Variants in MYRFL observed in about 807,000 individuals in gnomAD.
MYRFL encodes myelin regulatory factor like.
In MYRFL, 88 loss-of-function variants were observed where a neutral mutation model predicts 109.4. That is an observed-to-expected ratio of 0.80 (90% CI 0.68 to 0.96). The LOEUF (loss-of-function observed/expected upper bound fraction) is 0.96, where lower values mean the gene tolerates loss of function less well. Ranked by LOEUF, MYRFL falls within the 40% of genes least tolerant of loss-of-function variation. The pLI, the probability that MYRFL is intolerant of heterozygous loss-of-function variation, is 0.00. For missense variants in MYRFL, 957 were observed against 954.9 expected (o/e 1.00, Z -0.03); for synonymous variants, 324 against 320.9 (o/e 1.01, Z -0.10).
chr12:69,931,660 C>T (rs1435368984), intron 15 of MYRFL, among the ~76,000 whole-genome samples: 1 of 125,784 alleles, frequency 8.0e-6, no homozygotes, highest in Non-Finnish European at 1.8e-5. Flanking sequence ...CCAAATTCCC[C>T]GGAAGCAAGC....
At chr12:69,884,160 G>A (rs967246805) in intron 5 of MYRFL, among the ~76,000 whole-genome samples, 2 of 152,194 alleles carry the variant, frequency 1.3e-5, no homozygotes, top group African/African-American at 4.8e-5. Flanking sequence ...AAAGTTTATG[G>A]AACAAAAGGA....
chr12:69,825,611 C>T (rs773361603), intron 1 of MYRFL, 48 bp downstream of exon 1: 13 of 694,272 alleles, frequency 1.9e-5, no homozygotes, highest in South Asian at 9.1e-5. Flanking sequence ...GAGAAATGCT[C>T]ACTATCCCTG....
At chr12:69,927,859 T>C (rs1955145534) in intron 15 of MYRFL, 111 bp downstream of exon 15, 4 of 979,934 alleles carry the variant, frequency 4.1e-6, no homozygotes, top group Non-Finnish European at 6.0e-6. Flanking sequence ...AATCCCTAGT[T>C]TGCATCCTTA....
At chr12:69,864,597 C>T (rs1383772306) in intron 2 of MYRFL, among the ~76,000 whole-genome samples, 1 of 151,128 alleles carries the variant, frequency 6.6e-6, no homozygotes, top group Non-Finnish European at 1.5e-5. Flanking sequence ...TGGCAACAAA[C>T]TGTGGGAAGA....
At chr12:69,843,885 C>T (rs1883380869) in intron 1 of MYRFL, among the ~76,000 whole-genome samples, 1 of 152,212 alleles carries the variant, frequency 6.6e-6, no homozygotes, top group Non-Finnish European at 1.5e-5. Context: ...AAAACTGTGG[C>T]AGCCCTTCCT....
chr12:69,890,110 A>G (rs978685734), intron 6 of MYRFL, among the ~76,000 whole-genome samples: 1 of 152,224 alleles, frequency 6.6e-6, no homozygotes, highest in Admixed American at 6.5e-5. Context: ...CAGGTTTCCA[A>G]TCGATTGTAT....
chr12:69,883,797 G>C (rs1397330305), intron 5 of MYRFL, among the ~76,000 whole-genome samples: 1 of 151,914 alleles, frequency 6.6e-6, no homozygotes, highest in African/African-American at 2.4e-5. Flanking sequence ...GAAAGCTTCA[G>C]CCCAGGAAGT....
At chr12:69,880,710 T>C (rs1275885670) in intron 5 of MYRFL, among the ~76,000 whole-genome samples, 1 of 152,174 alleles carries the variant, frequency 6.6e-6, no homozygotes, top group Non-Finnish European at 1.5e-5. Flanking sequence ...TGATTCAGTC[T>C]CTAGGGTCTG....
At chr12:69,901,010 C>T (rs189680843) in intron 10 of MYRFL, among the ~76,000 whole-genome samples, 69 of 152,200 alleles carry the variant, frequency 4.5e-4, no homozygotes, top group Non-Finnish European at 7.6e-4. Context: ...TTCACTTAAT[C>T]CCACAATAAC....
chr12:69,847,766 T>C (rs1044827478), intron 1 of MYRFL, among the ~76,000 whole-genome samples: 3 of 152,200 alleles, frequency 2.0e-5, no homozygotes, highest in African/African-American at 7.2e-5. Context: ...TCTAGTAAGA[T>C]ATAGGCAATC....
rs1956145524 is a variant in MYRFL, at chr12:69,958,483, G to T, written c.2685G>T (p.Gly895=). 3.9e-6 allele frequency: 6 copies of T among 1,534,950 alleles called. No individual in the cohort carries two copies. The highest frequency in any genetic ancestry group is 5.2e-6 in the Non-Finnish European group (6 of 1,146,672). ...ADCSTDPYFA[G]IFFTDYFFYF... ...GTTCAACTGATCCTTATTTTGCTGG[G>T]ATATTCTTCACCGATTACTTCTTTT... Residue 895 remains glycine, a synonymous_variant, in exon 25 of 25, where the codon GGG becomes GGT. Coordinates refer to ENST00000552032, the MANE Select transcript of MYRFL (RefSeq NM_182530.3).
intron 2 of MYRFL, among the ~76,000 whole-genome samples, chr12:69,867,871 GA>G: frequency 6.6e-6 from 1 of 152,280 alleles, no homozygotes; most frequent in African/African-American, 2.4e-5. Flanking sequence ...GAGAAAGCCT[GA>G]AGAAGAAGAC....
intron 7 of MYRFL, among the ~76,000 whole-genome samples, chr12:69,891,637 T>TTCTCTTTCTTTCTTTCTTTCTTTTC: frequency 1.9e-5 from 1 of 53,788 alleles, no homozygotes. Flanking sequence ...CTTCCTTTCT[T>TTCTCTTTCTTTCTTTCTTTCTTTTC]TTTCTTTCTT....
chr12:69,874,133 C>T (rs1284223240), intron 2 of MYRFL, among the ~76,000 whole-genome samples: 1 of 152,164 alleles, frequency 6.6e-6, no homozygotes. Context: ...TTCACAAAAT[C>T]ATAATTTTTA....
intron 12 of MYRFL, among the ~76,000 whole-genome samples, chr12:69,910,443 T>C (rs1244909314): frequency 6.6e-6 from 1 of 151,822 alleles, no homozygotes; most frequent in African/African-American, 2.4e-5. Flanking sequence ...TGGATCTAGA[T>C]AAGAGAAGGG....
intron 1 of MYRFL, among the ~76,000 whole-genome samples, chr12:69,854,049 TG>T (rs917645861): frequency 1.3e-5 from 2 of 152,202 alleles, no homozygotes; most frequent in African/African-American, 4.8e-5. Flanking sequence ...CACTCCAGCC[TG>T]GGCAACATTG....
At position 69,936,194 on chromosome 12, in the gene MYRFL, G is replaced by A. The variant is rs1241394047; in HGVS notation, c.1991+7G>A. 2 of 1,495,670 alleles carry A rather than the reference G, an allele frequency of 1.3e-6. No individual in the cohort carries two copies. The highest frequency in any genetic ancestry group is 2.6e-5 in the East Asian group (1 of 38,244). The allele number at this position is 1,495,670 out of a possible 1,614,324, so 92.6% of individuals were successfully genotyped here. The stretch of plus-strand genomic sequence containing the variant: ...TCCCAAATCTCCCTCCAAGGTGAGA[G>A]TTCAGTTCAATTTTCTGGCCTAAAA... On this transcript the variant is annotated splice_region_variant and intron_variant, in intron 17 of 24. Transcript: ENST00000552032.
intron 6 of MYRFL, among the ~76,000 whole-genome samples, chr12:69,889,707 T>C (rs1002296347): frequency 6.6e-6 from 1 of 151,918 alleles, no homozygotes; most frequent in Non-Finnish European, 1.5e-5. Flanking sequence ...AATACAAAAA[T>C]TGGTTGGGCA....
intron 22 of MYRFL, among the ~76,000 whole-genome samples, chr12:69,956,853 C>T (rs556199471): frequency 6.6e-6 from 1 of 152,268 alleles, no homozygotes; most frequent in East Asian, 1.9e-4. Flanking sequence ...TTCTTATAAA[C>T]TGAAAGTGCT....
Sources: gnomAD v4.1 joint callset for allele counts (sites outside exome capture counted in the v4.1 genomes callset) on GRCh38, gnomAD v4.1.1 for gene constraint, MANE v1.5 for transcripts, NCBI Gene and HGNC (gene_info 2026-07-23, HGNC 2026-07-21) for gene names.